CSPP1: variants seen among roughly 807,000 people sequenced by gnomAD.
The protein encoded by CSPP1 is centrosome and spindle pole-associated protein 1.
CSPP1 carries 126 observed loss-of-function variants against 164.4 expected under a neutral mutation model. That is an observed-to-expected ratio of 0.77 (90% CI 0.66 to 0.89). CSPP1 has a LOEUF of 0.89. Among genes scored for constraint, CSPP1 ranks in the 40% least tolerant of loss-of-function variants. CSPP1 has a pLI of 0.00. For missense variants in CSPP1, 1,395 were observed against 1,449.8 expected (o/e 0.96, Z 0.61); for synonymous variants, 472 against 476.7 (o/e 0.99, Z 0.13).
At chr8:67,122,346 CTTTG>C (rs983969530) in intron 15 of CSPP1, among the ~76,000 whole-genome samples, 1 of 151,948 alleles carries the variant, frequency 6.6e-6, no homozygotes, top group Non-Finnish European at 1.5e-5. Context: ...GTATCTTTCC[CTTTG>C]TTTGGTATGT....
At chr8:67,192,622 G>C (rs1836688994) in intron 29 of CSPP1, among the ~76,000 whole-genome samples, 1 of 152,100 alleles carries the variant, frequency 6.6e-6, no homozygotes, top group African/African-American at 2.4e-5. Context: ...AGATCATGAA[G>C]ATTTACTTGT....
intron 21 of CSPP1, among the ~76,000 whole-genome samples, chr8:67,159,834 CTTTCTTTCTTTCTTTCTTTT>C (rs1563710082): frequency 7.9e-6 from 1 of 127,308 alleles, no homozygotes; most frequent in African/African-American, 3.8e-5. Flanking sequence ...CTCTCTCTTT[CTTTCTTTCTTTCTTTCTTTT>C]TCTTTCTTTC....
intron 3 of CSPP1, among the ~76,000 whole-genome samples, chr8:67,082,003 GTAGTTGAGACTA>G (rs1371574819): frequency 2.0e-5 from 3 of 152,180 alleles, no homozygotes; most frequent in Non-Finnish European, 4.4e-5. Context: ...TGGCTCCTAA[GTAGTTGAGACTA>G]TAGGTTTGTG....
At chr8:67,101,612 A>G (rs1231827803) in intron 7 of CSPP1, among the ~76,000 whole-genome samples, 1 of 152,228 alleles carries the variant, frequency 6.6e-6, no homozygotes, top group African/African-American at 2.4e-5. Context: ...ATCGATTAAA[A>G]AATGGAAGCC....
At chr8:67,099,019 C>T (rs908715813) in intron 7 of CSPP1, among the ~76,000 whole-genome samples, 5 of 151,188 alleles carry the variant, frequency 3.3e-5, no homozygotes, top group Non-Finnish European at 7.4e-5. Flanking sequence ...TGGCCTGTAC[C>T]CTATACCTGG....
intron 30 of CSPP1, among the ~76,000 whole-genome samples, chr8:67,194,795 A>AAT (rs1485186116): frequency 6.6e-6 from 1 of 152,164 alleles, no homozygotes; most frequent in East Asian, 1.9e-4. Context: ...GCGTACAATC[A>AAT]ATCAGATTCA....
At chr8:67,079,653 C>A (rs1329790987) in intron 3 of CSPP1, among the ~76,000 whole-genome samples, 1 of 152,180 alleles carries the variant, frequency 6.6e-6, no homozygotes, top group African/African-American at 2.4e-5. Context: ...CTGCTTCAAA[C>A]CCTTTGATGG....
chr8:67,077,115 A>C (rs1808089357), intron 3 of CSPP1, among the ~76,000 whole-genome samples: 1 of 152,120 alleles, frequency 6.6e-6, no homozygotes, highest in African/African-American at 2.4e-5. Context: ...TATACATTTT[A>C]AAAAAAGAAA....
intron 3 of CSPP1, among the ~76,000 whole-genome samples, chr8:67,081,793 C>T (rs1369384417): frequency 6.6e-6 from 1 of 152,160 alleles, no homozygotes; most frequent in East Asian, 1.9e-4. Context: ...CATCCAGGCT[C>T]GTGTGCAGTG....
intron 1 of CSPP1, among the ~76,000 whole-genome samples, chr8:67,067,432 T>C (rs553998285): frequency 6.6e-6 from 1 of 152,334 alleles, no homozygotes; most frequent in Admixed American, 6.5e-5. Flanking sequence ...ATACTTTACG[T>C]TTGCAGGCTC....
rs1460973567 is a variant in CSPP1, at chr8:67,070,448, G to A, written c.-10-3795G>A. On this transcript the variant is annotated intron_variant, in intron 1 of 30. Transcript: ENST00000678616. ...ACTGCACTCCAGCCTAGGTGACAGA[G>A]CGAGACTCCATCTCAAAAAAAAAAA... Among the ~76,000 whole-genome samples the A allele has an allele frequency of 6.8e-5, 10 of 147,682 alleles. 1 individual carries two copies. The highest frequency in any genetic ancestry group is 1.3e-4 in the Non-Finnish European group (9 of 67,328).
At chr8:67,131,930 T>C (rs1821315139) in intron 15 of CSPP1, 21 bp from the exon 16 acceptor site, 6 of 1,568,058 alleles carry the variant, frequency 3.8e-6, no homozygotes, top group Non-Finnish European at 5.2e-6. Flanking sequence ...ATTTAAATTA[T>C]TTATTGTGTA....
At chr8:67,159,852 T>TTTTCTTTCTTTCTTTCTTTCTTTCTTTC (rs71249421) in intron 21 of CSPP1, among the ~76,000 whole-genome samples, 2 of 47,592 alleles carry the variant, frequency 4.2e-5, no homozygotes, top group Admixed American at 2.6e-4. Flanking sequence ...CTTTCTTTCT[T>TTTTCTTTCTTTCTTTCTTTCTTTCTTTC]TTTCTTTCTT....
At chr8:67,090,481 C>T (rs74905951) in intron 4 of CSPP1, among the ~76,000 whole-genome samples, 12,580 of 151,926 alleles carry the variant, frequency 0.083, 1,060 homozygotes, top group African/African-American at 0.22. Flanking sequence ...GAGGGGGTTT[C>T]GCCTTGTTGC....
chr8:67,149,894 C>T lies in CSPP1; in HGVS notation c.2087C>T (p.Ser696Leu). The change falls in exon 18 of 31, where the codon TCA becomes TTA. Residue 696 changes from serine to leucine, a missense_variant. Coordinates refer to ENST00000678616, the MANE Select transcript of CSPP1 (RefSeq NM_001382391.1). Reference protein sequence around the residue: ...VVSLDPNLATSNAENLEDAAN... With the variant: ...VVSLDPNLATLNAENLEDAAN... ...TCTCTAGACCCAAATTTAGCCACTT[C>T]AAATGCTGAGAACCTAGAAGATGCT... 1.9e-6 allele frequency: 3 copies of T among 1,590,222 alleles called. No homozygotes were observed. Among genetic ancestry groups the T allele is most frequent in the Non-Finnish European group, 2.6e-6 (3 of 1,169,492 alleles).
At chr8:67,105,815 A>G (rs1815386871) in intron 8 of CSPP1, 90 bp from the exon 9 acceptor site, 1 of 725,156 alleles carries the variant, frequency 1.4e-6, no homozygotes, top group Non-Finnish European at 2.5e-6. Context: ...AAAGGCTAAT[A>G]ATTCATAGCT....
At chr8:67,134,651 C>T (rs1255452955) in intron 16 of CSPP1, 2 of 150,910 alleles carry the variant, frequency 1.3e-5, no homozygotes, top group African/African-American at 4.9e-5. Flanking sequence ...GCTCCGCCTC[C>T]TGGGTTCATG....
chr8:67,191,550 C>T (rs865866138), intron 29 of CSPP1, among the ~76,000 whole-genome samples: 4 of 152,276 alleles, frequency 2.6e-5, no homozygotes, highest in South Asian at 4.1e-4. Flanking sequence ...TTATTTGTGA[C>T]TGGATTTGTC....
chr8:67,162,633 T>C (rs1828586606), intron 22 of CSPP1, among the ~76,000 whole-genome samples: 2 of 152,198 alleles, frequency 1.3e-5, no homozygotes, highest in South Asian at 4.1e-4. Context: ...ATAATGTTTT[T>C]TTAGGCAATG....
Sources: gnomAD v4.1 joint callset for allele counts (sites outside exome capture counted in the v4.1 genomes callset) on GRCh38, gnomAD v4.1.1 for gene constraint, MANE v1.5 for transcripts, NCBI Gene and HGNC (gene_info 2026-07-23, HGNC 2026-07-21) for gene names.